ZNF292: variants seen among roughly 807,000 people sequenced by gnomAD.
The protein encoded by ZNF292 is 16 zinc-finger domain protein.
ZNF292 carries 26 observed loss-of-function variants against 217.9 expected under a neutral mutation model. The ratio of observed to expected loss-of-function variants is 0.12; its 90% CI spans 0.09 to 0.17. ZNF292 has a LOEUF of 0.17. Among genes scored for constraint, ZNF292 ranks in the 10% least tolerant of loss-of-function variants. ZNF292 has a pLI of 1.00. For synonymous variants in ZNF292, 1,257 were observed against 1,124.1 expected (o/e 1.12, Z -2.37); for missense variants, 2,904 against 3,175.2 (o/e 0.91, Z 2.05).
At chr6:87,172,250 T>G (rs1211963770) in intron 1 of ZNF292, among the ~76,000 whole-genome samples, 1 of 152,180 alleles carries the variant, frequency 6.6e-6, no homozygotes, top group African/African-American at 2.4e-5. Context: ...CATTAAAAAG[T>G]AATCAGGAAA....
At chr6:87,249,014 AAC>A (rs1339238055) in intron 7 of ZNF292, among the ~76,000 whole-genome samples, 1 of 152,230 alleles carries the variant, frequency 6.6e-6, no homozygotes, top group Non-Finnish European at 1.5e-5. Flanking sequence ...TCTGTTGGGT[AAC>A]ACTATTCCAG....
chr6:87,193,726 A>C (rs117416811), intron 1 of ZNF292, among the ~76,000 whole-genome samples: 2 of 152,182 alleles, frequency 1.3e-5, no homozygotes, highest in Non-Finnish European at 2.9e-5. Flanking sequence ...GCACAAAGTT[A>C]TTTAAAAACA....
rs1188439668 is a variant in ZNF292 at position 87,212,952 on chromosome 6, G to T, written c.169-2951G>T. The stretch of plus-strand genomic sequence containing the variant: ...AGAAAGTTAAGAATTCTTCTGTGTA[G>T]GGGTCAAAAGAAAACTTCCCTTCAT... On this transcript the variant is annotated intron_variant, in intron 1 of 7. Transcript: ENST00000369577. 2.0e-5 allele frequency among the ~76,000 whole-genome samples: 3 copies of T among 152,284 alleles called. No homozygotes were observed. In the South Asian group the frequency reaches 6.2e-4, roughly 32 times the overall value.
At chr6:87,210,812 G>C (rs1392331607) in intron 1 of ZNF292, among the ~76,000 whole-genome samples, 1 of 151,924 alleles carries the variant, frequency 6.6e-6, no homozygotes, top group African/African-American at 2.4e-5. Flanking sequence ...AATGAGGTGA[G>C]GCATGTAGCA....
At position 87,155,621 on chromosome 6, in the gene ZNF292, G is replaced by C; in HGVS notation, c.30G>C (p.Arg10Ser). The C allele has an allele frequency of 1.3e-6, 2 of 1,583,770 alleles. No homozygotes were observed. Among genetic ancestry groups the C allele is most frequent in the Non-Finnish European group, 1.7e-6 (2 of 1,166,164 alleles). Residue 10 changes from arginine (R) to serine (S), a missense_variant, in exon 1 of 8, where the codon AGG (arginine) becomes AGC (serine). By Grantham distance (110) the Arg-to-Ser change is moderately radical. This residue lies in a region of ZNF292 where 66 missense variants were observed against 44.1 expected (regional missense o/e 1.50). Coordinates refer to ENST00000369577, the MANE Select transcript of ZNF292 (RefSeq NM_015021.3). MADEEAEQE[R>S]LSCGEGGCVA... ...CGGACGAAGAGGCCGAGCAGGAGAG[G>C]TTGAGTTGCGGCGAAGGCGGCTGCG...
intron 1 of ZNF292, among the ~76,000 whole-genome samples, chr6:87,214,399 C>A (rs948809950): frequency 6.6e-6 from 1 of 152,020 alleles, no homozygotes; most frequent in African/African-American, 2.4e-5. Context: ...TTTATCCTCA[C>A]GTAGAATCTA....
At chr6:87,180,131 T>C (rs1771427803) in intron 1 of ZNF292, among the ~76,000 whole-genome samples, 1 of 152,126 alleles carries the variant, frequency 6.6e-6, no homozygotes, top group South Asian at 2.1e-4. Context: ...ACACTAACAA[T>C]AGCTGATGAG....
intron 1 of ZNF292, among the ~76,000 whole-genome samples, chr6:87,214,538 C>T (rs763055149): frequency 6.6e-6 from 1 of 152,012 alleles, no homozygotes; most frequent in Non-Finnish European, 1.5e-5. Context: ...CTGAGAAACA[C>T]GTTTTTCCAC....
intron 4 of ZNF292, among the ~76,000 whole-genome samples, chr6:87,231,604 A>C (rs1773660330): frequency 6.6e-6 from 1 of 152,216 alleles, no homozygotes; most frequent in Admixed American, 6.5e-5. Context: ...ATGGCTTTGA[A>C]ATTTGCAATA....
At chr6:87,173,591 G>T (rs1261357766) in intron 1 of ZNF292, 1 of 152,506 alleles carries the variant, frequency 6.6e-6, no homozygotes, top group Non-Finnish European at 1.5e-5. Flanking sequence ...CTCTTCCTTT[G>T]GGGTGACATC....
intron 5 of ZNF292, among the ~76,000 whole-genome samples, chr6:87,239,836 C>T (rs1489959553): frequency 2.6e-5 from 4 of 151,832 alleles, no homozygotes; most frequent in Admixed American, 6.6e-5. Context: ...GACGGGATGG[C>T]GGCCGGGAAG....
intron 4 of ZNF292, among the ~76,000 whole-genome samples, chr6:87,224,514 A>C (rs1316874692): frequency 6.6e-6 from 1 of 151,856 alleles, no homozygotes; most frequent in Non-Finnish European, 1.5e-5. Context: ...CCTGACAACT[A>C]CTTATCTATC....
chr6:87,186,223 G>C (rs112428825), intron 1 of ZNF292, among the ~76,000 whole-genome samples: 1 of 152,264 alleles, frequency 6.6e-6, no homozygotes, highest in South Asian at 2.1e-4. Context: ...TATTTTTCTA[G>C]GTTATTAATG....
At chr6:87,182,475 C>T (rs925806850) in intron 1 of ZNF292, among the ~76,000 whole-genome samples, 1 of 152,114 alleles carries the variant, frequency 6.6e-6, no homozygotes, top group Admixed American at 6.6e-5. Context: ...AAAAGAAAAG[C>T]ACTCCTACGC....
intron 1 of ZNF292, chr6:87,174,033 TC>T: frequency 4.0e-6 from 1 of 252,266 alleles, no homozygotes; most frequent in Non-Finnish European, 8.0e-6. Flanking sequence ...CATAAATATC[TC>T]CCAGTTCACC....
chr6:87,261,453 A>G lies in ZNF292; in HGVS notation c.7824A>G (p.Lys2608=). 1 of 1,605,638 alleles carries G rather than the reference A, an allele frequency of 6.2e-7. No homozygotes were observed. The highest frequency in any genetic ancestry group is 1.1e-5 in the South Asian group (1 of 90,058). The change falls in exon 8 of 8, where the codon AAA becomes AAG. Residue 2608 remains lysine, a synonymous_variant. Transcript: ENST00000369577. The stretch of plus-strand genomic sequence containing the variant: ...AGGAGTCTGCAGTGAAGCAGAAGAA[A>G]AATACTGACAAAGACCATCCGAATA... ...FLEESAVKQK[K]NTDKDHPNTG... is the part of the protein sequence containing the mutation.
chr6:87,165,694 A>G (rs1770889008), intron 1 of ZNF292, among the ~76,000 whole-genome samples: 1 of 151,924 alleles, frequency 6.6e-6, no homozygotes, highest in South Asian at 2.1e-4. Context: ...CTTTTAGTCT[A>G]GTTGGCCCAG....
At chr6:87,174,173 T>C (rs922806419) in intron 1 of ZNF292, 4 of 155,032 alleles carry the variant, frequency 2.6e-5, no homozygotes, top group African/African-American at 9.7e-5. Context: ...TGCTTTTGGC[T>C]GGGCCACCAG....
At chr6:87,178,534 A>C (rs1453572136) in intron 1 of ZNF292, among the ~76,000 whole-genome samples, 2 of 152,224 alleles carry the variant, frequency 1.3e-5, no homozygotes. Flanking sequence ...ATTAGCTTAC[A>C]TTTATTAAAG....
Sources: allele counts gnomAD v4.1 joint callset (sites outside exome capture counted in the v4.1 genomes callset), GRCh38; gene constraint gnomAD v4.1.1; regional missense constraint gnomAD v4.1.1; transcripts MANE v1.5; gene names NCBI Gene and HGNC (gene_info 2026-07-23, HGNC 2026-07-21).